Variants in UGT1A10 observed in about 807,000 individuals in gnomAD.
UGT1A10 encodes UDP glucuronosyltransferase family 1 member A10.
Under a neutral mutation model 45.8 loss-of-function variants are expected in UGT1A10, and 49 were observed. That is an observed-to-expected ratio of 1.07 (90% CI 0.85 to 1.36). The LOEUF (loss-of-function observed/expected upper bound fraction) is 1.36, where lower values mean the gene tolerates loss of function less well. UGT1A10 is among the 40% of genes most tolerant of loss of function. The pLI is 0.00. For missense variants in UGT1A10, 745 were observed against 668.6 expected (o/e 1.11, Z -1.26); for synonymous variants, 284 against 249.7 (o/e 1.14, Z -1.29).
At chr2:233,689,020 G>A (rs1039573681) in intron 1 of UGT1A10, among the ~76,000 whole-genome samples, 2 of 152,134 alleles carry the variant, frequency 1.3e-5, no homozygotes, top group African/African-American at 4.8e-5. Flanking sequence ...CATAAACATG[G>A]CCAAGTGGAA....
chr2:233,654,972 T>C (rs1221880538), intron 1 of UGT1A10, among the ~76,000 whole-genome samples: 2 of 152,056 alleles, frequency 1.3e-5, no homozygotes, highest in Admixed American at 6.6e-5. Flanking sequence ...GCATCTGTAA[T>C]CATAGCTACT....
chr2:233,767,705 C>T, intron 2 of UGT1A10, 144 bp from the exon 3 acceptor site: 1 of 1,520,160 alleles, frequency 6.6e-7, no homozygotes, highest in Non-Finnish European at 8.8e-7. Context: ...TGCCAGTCCT[C>T]AGAAGCCTTC....
intron 1 of UGT1A10, chr2:233,649,087 C>T (rs192581947): frequency 1.5e-5 from 13 of 865,930 alleles, no homozygotes; most frequent in Admixed American, 8.8e-5. Context: ...TAAAAAGATT[C>T]CTTACGGAAC....
At chr2:233,637,403 T>G (rs2073326552) in intron 1 of UGT1A10, 26 bp downstream of exon 1, 4 of 1,586,694 alleles carry the variant, frequency 2.5e-6, no homozygotes, top group Non-Finnish European at 3.4e-6. Flanking sequence ...TTTAGCACAT[T>G]AAGAATAATC....
At chr2:233,682,018 G>A in intron 1 of UGT1A10, 2 of 1,614,138 alleles carry the variant, frequency 1.2e-6, no homozygotes, top group Non-Finnish European at 1.7e-6. Context: ...AGGCAGGGAA[G>A]CTGCTGGTAG....
At chr2:233,648,263 C>T (rs532803700) in intron 1 of UGT1A10, 86 of 601,126 alleles carry the variant, frequency 1.4e-4, no homozygotes, top group African/African-American at 4.5e-4. Context: ...TCTTTTGATG[C>T]GGTGTTTCTG....
intron 1 of UGT1A10, among the ~76,000 whole-genome samples, chr2:233,732,331 T>C (rs2078260984): frequency 6.6e-6 from 1 of 152,256 alleles, no homozygotes; most frequent in Admixed American, 6.5e-5. Flanking sequence ...TTTGTTGCCA[T>C]TGCTTTTGGT....
At chr2:233,760,916 T>G (rs1345834782) in intron 1 of UGT1A10, 6 of 1,614,048 alleles carry the variant, frequency 3.7e-6, no homozygotes, top group African/African-American at 2.7e-5. Flanking sequence ...CTGCAGCGGG[T>G]GAAGAACATG....
In UGT1A10 at chr2:233,768,530, C is replaced by T. The variant is rs181512709; in HGVS notation, c.1295+91C>T. On this transcript the variant is annotated intron_variant, in intron 4 of 4. Transcript: ENST00000344644. ...AAAACATTTACGTAGCATTTAATAG[C>T]GTTGTTTCAAATATAAAAACAAATA... 249 of 1,496,408 alleles carry T rather than the reference C, an allele frequency of 1.7e-4. No homozygotes were observed. In the African/African-American group the frequency reaches 3.2e-3, roughly 19 times the overall value. The allele number at this position is 1,496,408 out of a possible 1,614,324, so 92.7% of individuals were successfully genotyped here. A position where few individuals can be genotyped will look rare whatever the true frequency, so the allele number is the denominator to read the frequency against.
At chr2:233,705,126 G>T (rs2075824823) in intron 1 of UGT1A10, among the ~76,000 whole-genome samples, 1 of 119,384 alleles carries the variant, frequency 8.4e-6, no homozygotes, top group South Asian at 3.0e-4. Context: ...ACAAGAGCGA[G>T]ACTTCGTCTG....
intron 1 of UGT1A10, chr2:233,717,818 C>G (rs565320763): frequency 4.4e-6 from 2 of 455,640 alleles, no homozygotes; most frequent in Non-Finnish European, 8.8e-6. Context: ...TTATGCAGCC[C>G]GTTCTGTTCT....
intron 4 of UGT1A10, 92 bp downstream of exon 4, chr2:233,768,531 G>T: frequency 5.4e-6 from 8 of 1,481,574 alleles, no homozygotes; most frequent in South Asian, 4.1e-5. Context: ...ATTTAATAGC[G>T]TTGTTTCAAA....
At chr2:233,733,900 C>G (rs1176536983) in intron 1 of UGT1A10, among the ~76,000 whole-genome samples, 1 of 151,704 alleles carries the variant, frequency 6.6e-6, no homozygotes, top group Non-Finnish European at 1.5e-5. Context: ...CTGTTTGTAC[C>G]TCTCTGGTAG....
At chr2:233,685,644 A>G (rs369338896) in intron 1 of UGT1A10, among the ~76,000 whole-genome samples, 47 of 152,360 alleles carry the variant, frequency 3.1e-4, no homozygotes, top group African/African-American at 1.1e-3. Context: ...TCGAACATAT[A>G]CCAAGGAGAG....
rs368401609 is a variant in UGT1A10 at position 233,757,130 on chromosome 2, G to C, written c.856-9904G>C. 6.6e-5 allele frequency among the ~76,000 whole-genome samples: 10 copies of C among 151,528 alleles called. No homozygotes were observed. The East Asian group carries it at 9.8e-4, about 15-fold the overall frequency. ...AGCAGAAGGGCTAGAGAGGAGGAAT[G>C]AGCTTGGACAGGTGGGCTGGGGTCT... On this transcript the variant is annotated intron_variant, in intron 1 of 4. Coordinates refer to ENST00000344644, the MANE Select transcript of UGT1A10 (RefSeq NM_019075.4).
chr2:233,729,508 T>C (rs1302187819), intron 1 of UGT1A10: 3 of 1,614,204 alleles, frequency 1.9e-6, no homozygotes, highest in African/African-American at 1.3e-5. Flanking sequence ...TCATAGGTCT[T>C]GTGTGGAGCT....
At chr2:233,753,876 C>T (rs1268305886) in intron 1 of UGT1A10, among the ~76,000 whole-genome samples, 1 of 152,310 alleles carries the variant, frequency 6.6e-6, no homozygotes, top group East Asian at 1.9e-4. Flanking sequence ...AAGGTCTGTC[C>T]TCAGCCTTCA....
chr2:233,643,110 C>A (rs1437647737), intron 1 of UGT1A10, among the ~76,000 whole-genome samples: 2 of 152,222 alleles, frequency 1.3e-5, no homozygotes, highest in Non-Finnish European at 2.9e-5. Flanking sequence ...GTGATACAGC[C>A]AGCCAGACCT....
chr2:233,700,818 C>A (rs1217450259), intron 1 of UGT1A10, among the ~76,000 whole-genome samples: 1 of 151,898 alleles, frequency 6.6e-6, no homozygotes, highest in Non-Finnish European at 1.5e-5. Flanking sequence ...GTGTGCTGCA[C>A]CCATTAACTC....
Sources: allele counts gnomAD v4.1 joint callset (sites outside exome capture counted in the v4.1 genomes callset), GRCh38; gene constraint gnomAD v4.1.1; transcripts MANE v1.5; gene names NCBI Gene and HGNC (gene_info 2026-07-23, HGNC 2026-07-21).